RNF220: variants seen among roughly 807,000 people sequenced by gnomAD.
RNF220 encodes the protein E3 ubiquitin-protein ligase RNF220.
A neutral mutation model predicts 67.1 loss-of-function variants in RNF220; 7 were observed. The observed-to-expected ratio is 0.10, with a 90% confidence interval of 0.06 to 0.20. The LOEUF (loss-of-function observed/expected upper bound fraction) is 0.20, where lower values mean the gene tolerates loss of function less well. RNF220 is among the 10% of genes least tolerant of loss of function. The pLI is 1.00. For missense variants in RNF220, 565 were observed against 740.3 expected, an observed-to-expected ratio of 0.76 and a Z score of 2.75; for synonymous variants, 270 against 283.2, an observed-to-expected ratio of 0.95 and a Z score of 0.47.
intron 1 of RNF220, among the ~76,000 whole-genome samples, chr1:44,407,132 CCGGCCCGGGT>C (rs1484122076): frequency 2.0e-5 from 3 of 152,158 alleles, no homozygotes; most frequent in Non-Finnish European, 4.4e-5. Context: ...CCCTACCTGG[CCGGCCCGGGT>C]CGTCTGGGGT....
intron 2 of RNF220, among the ~76,000 whole-genome samples, chr1:44,462,185 G>A (rs931320098): frequency 7.9e-5 from 12 of 151,666 alleles, no homozygotes; most frequent in Non-Finnish European, 1.5e-4. Flanking sequence ...CGCCCGCCTC[G>A]GCCTCCCAAA....
At chr1:44,642,400 G>C (rs1282259301) in intron 8 of RNF220, among the ~76,000 whole-genome samples, 1 of 152,220 alleles carries the variant, frequency 6.6e-6, no homozygotes, top group African/African-American at 2.4e-5. Flanking sequence ...GGGATTTAGA[G>C]AGCAGCTGCT....
At chr1:44,640,027 TG>T (rs1644442208) in intron 8 of RNF220, among the ~76,000 whole-genome samples, 1 of 152,324 alleles carries the variant, frequency 6.6e-6, no homozygotes, top group African/African-American at 2.4e-5. Flanking sequence ...TGACCTCAGG[TG>T]ATCCACCCAC....
rs1319747396 is a variant in RNF220 at position 44,412,490 on chromosome 1, C to T, written c.393C>T (p.Ser131=). 4.3e-6 allele frequency: 7 copies of T among 1,612,126 alleles called. No homozygotes were observed. Among genetic ancestry groups the T allele is most frequent in the Non-Finnish European group, 5.9e-6 (7 of 1,178,466 alleles). ...TTGCCTCCACCGAGGACCGGGAGAG[C>T]TATCAGTCAGCCTTTACGCCGGCCA... ...RPFASTEDRE[S]YQSAFTPAKR... Residue 131 remains serine, a synonymous_variant, in exon 2 of 15, where the codon AGC becomes AGT. Coordinates refer to ENST00000361799, the MANE Select transcript of RNF220 (RefSeq NM_018150.4). The surrounding 1 kb of genome is among the most constrained non-coding windows in gnomAD (Gnocchi z 5.3).
chr1:44,626,180 A>G (rs558230641), intron 4 of RNF220, 117 bp from the exon 5 acceptor site: 6 of 706,576 alleles, frequency 8.5e-6, no homozygotes, highest in East Asian at 2.7e-5. Flanking sequence ...TGGTCTTTCT[A>G]TCCCTCAGCC....
At chr1:44,490,624 C>A (rs1656772389) in intron 2 of RNF220, among the ~76,000 whole-genome samples, 1 of 151,474 alleles carries the variant, frequency 6.6e-6, no homozygotes, top group African/African-American at 2.4e-5. Context: ...GCTGTAAATG[C>A]CTATACTTTA....
At chr1:44,499,230 G>A (rs1301621256) in intron 2 of RNF220, among the ~76,000 whole-genome samples, 1 of 152,032 alleles carries the variant, frequency 6.6e-6, no homozygotes, top group Admixed American at 6.6e-5. Flanking sequence ...GCACACAAAC[G>A]TGCAAAAATA....
intron 2 of RNF220, among the ~76,000 whole-genome samples, chr1:44,591,364 C>G (rs556699285): frequency 1.9e-4 from 29 of 152,260 alleles, no homozygotes; most frequent in Non-Finnish European, 3.4e-4. Flanking sequence ...GGTCACCTAT[C>G]GTCCATGCGC....
At chr1:44,507,871 C>G (rs1486004212) in intron 2 of RNF220, among the ~76,000 whole-genome samples, 3 of 151,874 alleles carry the variant, frequency 2.0e-5, no homozygotes, top group East Asian at 1.9e-4. Context: ...AGGTGCCCCC[C>G]CCTCACCACA....
chr1:44,463,804 C>CA (rs1557950183), intron 2 of RNF220, among the ~76,000 whole-genome samples: 1 of 152,206 alleles, frequency 6.6e-6, no homozygotes, highest in African/African-American at 2.4e-5. Context: ...CCTTCTAATT[C>CA]ACTCATGGAG....
At chr1:44,424,149 T>A in intron 2 of RNF220, 2 of 303,444 alleles carry the variant, frequency 6.6e-6, no homozygotes, top group Non-Finnish European at 9.7e-6. Flanking sequence ...GGTGAGTAGC[T>A]AAACTGTATA....
intron 2 of RNF220, among the ~76,000 whole-genome samples, chr1:44,563,307 C>T (rs560475708): frequency 9.7e-4 from 148 of 152,284 alleles, no homozygotes; most frequent in South Asian, 1.9e-3. Context: ...AGGCAGGGCC[C>T]CCTGAGCTGG....
In RNF220 at chr1:44,622,922, C is replaced by T. The variant is rs1209653649; in HGVS notation, c.804+135C>T. The T allele has an allele frequency of 1.2e-5, 9 of 743,812 alleles. No homozygotes were observed. Among genetic ancestry groups the T allele is most frequent in the Non-Finnish European group, 2.1e-5 (9 of 426,346 alleles). The allele number at this position is 743,812 out of a possible 1,614,324, so 46.1% of individuals were successfully genotyped here. ...CTTTTCTAATATCCTCAACTATCTC[C>T]AGGTCTTGAACATCATCCTGAGGCC... is the stretch of plus-strand genomic sequence containing the variant. On this transcript the variant is annotated intron_variant, in intron 4 of 14. Coordinates refer to ENST00000361799, the MANE Select transcript of RNF220 (RefSeq NM_018150.4). This position sits in a 1 kb window ranked among gnomAD's most constrained non-coding sequence, Gnocchi z 4.3.
At chr1:44,584,395 C>T (rs972462871) in intron 2 of RNF220, among the ~76,000 whole-genome samples, 2 of 152,208 alleles carry the variant, frequency 1.3e-5, no homozygotes, top group Admixed American at 6.5e-5. Context: ...CAAAGCAAGT[C>T]GTAAATTCAT....
chr1:44,487,777 G>T (rs904912311), intron 2 of RNF220, among the ~76,000 whole-genome samples: 1 of 150,182 alleles, frequency 6.7e-6, no homozygotes, highest in Non-Finnish European at 1.5e-5. Flanking sequence ...CTACTCAGGA[G>T]ACTGAGGCAG....
intron 2 of RNF220, among the ~76,000 whole-genome samples, chr1:44,571,986 C>G (rs546301454): frequency 1.3e-5 from 2 of 152,248 alleles, no homozygotes; most frequent in Non-Finnish European, 2.9e-5. Context: ...TTCCAAGGCT[C>G]CTAGCCTAGT....
At chr1:44,631,016 A>G (rs911989040) in intron 5 of RNF220, among the ~76,000 whole-genome samples, 2 of 152,216 alleles carry the variant, frequency 1.3e-5, no homozygotes, top group Non-Finnish European at 1.5e-5. Flanking sequence ...ACAGCTGCAA[A>G]TTTCGAGAGC....
chr1:44,560,764 G>C (rs1663508411), intron 2 of RNF220, among the ~76,000 whole-genome samples: 1 of 152,104 alleles, frequency 6.6e-6, no homozygotes, highest in Non-Finnish European at 1.5e-5. Flanking sequence ...GTTTCACCAT[G>C]TTGGCCAGGC....
chr1:44,650,739 C>A lies in RNF220; in HGVS notation c.1665C>A (p.Ile555=). Residue 555 remains isoleucine, a synonymous_variant, in exon 15 of 15, where the codon ATC becomes ATA. Coordinates refer to ENST00000361799, the MANE Select transcript of RNF220 (RefSeq NM_018150.4). The surrounding 1 kb of genome is among the most constrained non-coding windows in gnomAD (Gnocchi z 4.3). ...AGCTCTGCCCTCAGTGCAACACGATCACAGCGCCCGGAGACCTGCGGAGGA... is the reference window on the plus strand; with the variant it reads ...AGCTCTGCCCTCAGTGCAACACGATAACAGCGCCCGGAGACCTGCGGAGGA... The part of the protein sequence containing the change: ...AKKLCPQCNT[I]TAPGDLRRIY... 6.2e-7 allele frequency: 1 copy of A among 1,613,464 alleles called. No homozygotes were observed. The highest frequency in any genetic ancestry group is 1.1e-5 in the South Asian group (1 of 91,036).
Sources: allele counts gnomAD v4.1 joint callset (sites outside exome capture counted in the v4.1 genomes callset), GRCh38; gene constraint gnomAD v4.1.1; non-coding constraint Gnocchi (gnomAD v3.1); transcripts MANE v1.5; gene names NCBI Gene and HGNC (gene_info 2026-07-23, HGNC 2026-07-21).